The following TMEM170B variants were observed in gnomAD, a reference collection of about 807,000 sequenced individuals.
TMEM170B encodes the protein transmembrane protein 170B.
A neutral mutation model predicts 13.0 loss-of-function variants in TMEM170B; 6 were observed. That is an observed-to-expected ratio of 0.46 (90% CI 0.25 to 0.91). TMEM170B has a LOEUF of 0.91. Among genes scored for constraint, TMEM170B ranks in the 40% least tolerant of loss-of-function variants. The pLI, the probability that TMEM170B is intolerant of heterozygous loss-of-function variation, is 0.17. For synonymous variants in TMEM170B, 61 were observed against 64.9 expected (o/e 0.94, Z 0.29); for missense variants, 138 against 165.2 (o/e 0.84, Z 0.90).
chr6:11,570,282 G>A (rs942130131), intron 2 of TMEM170B, among the ~76,000 whole-genome samples: 2 of 151,990 alleles, frequency 1.3e-5, no homozygotes, highest in African/African-American at 4.8e-5. Flanking sequence ...GATATCTTTT[G>A]ATTACATTGT....
At chr6:11,570,119 T>G (rs542962422) in intron 2 of TMEM170B, among the ~76,000 whole-genome samples, 75 of 152,282 alleles carry the variant, frequency 4.9e-4, no homozygotes, top group African/African-American at 1.7e-3. Flanking sequence ...AGAATTGCCA[T>G]ATTATATCAC....
chr6:11,579,161 C>T lies in TMEM170B; in HGVS notation c.*3600C>T, dbSNP rs1759919388. 1 of 152,114 alleles carries T rather than the reference C, an allele frequency of 6.6e-6. No individual in the cohort carries two copies. The highest frequency in any genetic ancestry group is 1.5e-5 in the Non-Finnish European group (1 of 68,010). The allele number at this position is 152,114 out of a possible 1,614,324, so 9.4% of individuals were successfully genotyped here. On this transcript the variant is annotated 3_prime_UTR_variant, in exon 3 of 3. Transcript: ENST00000379426. ...GTTATCCCTCCAAATTCTCATTTTC[C>T]TGGTTCATCCACTAAATAGAATTTC...
At chr6:11,559,430 CCT>C (rs1759631840) in intron 1 of TMEM170B, among the ~76,000 whole-genome samples, 1 of 152,044 alleles carries the variant, frequency 6.6e-6, no homozygotes. Flanking sequence ...AAACAGTCCC[CCT>C]GAGTCAGTCT....
At position 11,565,657 on chromosome 6, in the gene TMEM170B, T is replaced by G. The variant is rs752173283; in HGVS notation, c.98-9T>G. On this transcript the variant is annotated splice_polypyrimidine_tract_variant and intron_variant, in intron 1 of 2. Transcript: ENST00000379426. ...CAACAGATGATTAATACTTTGCTTT[T>G]CCTTTCAGAGATGTGGTACTGGATC... 37 of 1,613,726 alleles carry G rather than the reference T, an allele frequency of 2.3e-5. No homozygotes were observed. The highest frequency in any genetic ancestry group is 3.3e-5 in the Admixed American group (2 of 59,946).
chr6:11,555,365 A>G (rs1226405718), intron 1 of TMEM170B, among the ~76,000 whole-genome samples: 1 of 151,996 alleles, frequency 6.6e-6, no homozygotes, highest in Non-Finnish European at 1.5e-5. Flanking sequence ...GTGTCTAGGT[A>G]TGTGTGTGCG....
intron 1 of TMEM170B, among the ~76,000 whole-genome samples, chr6:11,565,200 G>A (rs768687972): frequency 3.9e-5 from 6 of 152,152 alleles, no homozygotes; most frequent in Non-Finnish European, 5.9e-5. Context: ...AGGAGAAAAT[G>A]ACTGAAATTC....
Position 11,579,140 on chromosome 6 carries a change from T to C in TMEM170B, c.*3579T>C, listed in dbSNP as rs555759594. ...ATTTTAGTTGAGAGTTAGCCTGTTA[T>C]CCCTCCAAATTCTCATTTTCCTGGT... is the stretch of plus-strand genomic sequence containing the variant. On this transcript the variant is annotated 3_prime_UTR_variant, in exon 3 of 3. Transcript: ENST00000379426. 1 of 152,320 alleles carries C rather than the reference T, an allele frequency of 6.6e-6. No individual in the cohort carries two copies. Among genetic ancestry groups the C allele is most frequent in the East Asian group, 1.9e-4 (1 of 5,192 alleles). The allele number at this position is 152,320 out of a possible 1,614,324, so 9.4% of individuals were successfully genotyped here.
chr6:11,538,681 A>C (rs1242511669), intron 1 of TMEM170B, among the ~76,000 whole-genome samples: 1 of 151,946 alleles, frequency 6.6e-6, no homozygotes, highest in Non-Finnish European at 1.5e-5. Context: ...TAGTGCTGAG[A>C]CTTGAGCGCA....
intron 1 of TMEM170B, among the ~76,000 whole-genome samples, chr6:11,559,274 G>A (rs78564746): frequency 0.051 from 7,612 of 150,058 alleles, 264 homozygotes; most frequent in African/African-American, 0.096. Flanking sequence ...GGTGACTGCT[G>A]CAGCCTTGAC....
At chr6:11,567,093 T>C (rs1028159875) in intron 2 of TMEM170B, among the ~76,000 whole-genome samples, 1 of 152,194 alleles carries the variant, frequency 6.6e-6, no homozygotes, top group African/African-American at 2.4e-5. Context: ...CACCTGACAT[T>C]CCTGGTGGGT....
intron 2 of TMEM170B, among the ~76,000 whole-genome samples, chr6:11,566,637 G>A (rs1561687904): frequency 6.6e-6 from 1 of 152,212 alleles, no homozygotes; most frequent in Non-Finnish European, 1.5e-5. Context: ...CTTTAGAGCA[G>A]GAAAGAAAGG....
intron 1 of TMEM170B, among the ~76,000 whole-genome samples, chr6:11,540,145 T>C (rs777379987): frequency 1.2e-4 from 19 of 152,222 alleles, no homozygotes; most frequent in Non-Finnish European, 7.3e-5. Context: ...TGCTGACTGA[T>C]CAAGGTGATG....
At chr6:11,539,569 A>G (rs1485768336) in intron 1 of TMEM170B, among the ~76,000 whole-genome samples, 3 of 152,214 alleles carry the variant, frequency 2.0e-5, no homozygotes, top group African/African-American at 7.2e-5. Context: ...GAAACTATAC[A>G]GTTAAAGTAG....
intron 1 of TMEM170B, among the ~76,000 whole-genome samples, chr6:11,555,645 A>G (rs56040297): frequency 0.011 from 1,655 of 152,226 alleles, 40 homozygotes; most frequent in African/African-American, 0.037. Context: ...TTCCATCTCT[A>G]CTGAAATTCC....
chr6:11,565,880 CT>C lies in TMEM170B; in HGVS notation c.268+46del, dbSNP rs764125339. The C allele has an allele frequency of 3.1e-6, 5 of 1,587,742 alleles. No homozygotes were observed. The African/African-American group carries it at 6.7e-5, about 21-fold the overall frequency. Reference sequence around the variant, plus strand: ...GTCTGAGGATGTAAGTTTGTATACACTTACCATTTTGGTAGCTGTGTTCTTA... The same window carrying C: ...GTCTGAGGATGTAAGTTTGTATACACTACCATTTTGGTAGCTGTGTTCTTA... On this transcript the variant is annotated intron_variant, in intron 2 of 2. Transcript: ENST00000379426.
chr6:11,558,580 G>C (rs1408606679), intron 1 of TMEM170B, among the ~76,000 whole-genome samples: 6 of 152,074 alleles, frequency 3.9e-5, no homozygotes. Flanking sequence ...GCTCTCCCAG[G>C]TGACTCCAGC....
rs182684437 is a variant in TMEM170B at position 11,554,155 on chromosome 6, A to T, written c.98-11511A>T. ...ATTACAAGTTATGCTCGTTGGTGTA[A>T]AAAGTTTAATTTTCAGTATTTAGTA... On this transcript the variant is annotated intron_variant, in intron 1 of 2. Coordinates refer to ENST00000379426, the MANE Select transcript of TMEM170B (RefSeq NM_001100829.3). 1.1e-4 allele frequency among the ~76,000 whole-genome samples: 17 copies of T among 152,188 alleles called. No individual in the cohort carries two copies. The East Asian group carries it at 3.3e-3, about 29-fold the overall frequency.
intron 1 of TMEM170B, among the ~76,000 whole-genome samples, chr6:11,549,276 T>G (rs903580885): frequency 2.0e-5 from 3 of 152,090 alleles, no homozygotes; most frequent in African/African-American, 7.2e-5. Flanking sequence ...ATATGTGATA[T>G]CAGGTGTGAT....
intron 1 of TMEM170B, among the ~76,000 whole-genome samples, chr6:11,559,563 T>A (rs1257281165): frequency 1.3e-5 from 2 of 152,168 alleles, no homozygotes; most frequent in Non-Finnish European, 1.5e-5. Flanking sequence ...AAACTAGATG[T>A]GACTCATGGG....
Sources: gnomAD v4.1 joint callset for allele counts (sites outside exome capture counted in the v4.1 genomes callset) on GRCh38, gnomAD v4.1.1 for gene constraint, MANE v1.5 for transcripts, NCBI Gene and HGNC (gene_info 2026-07-23, HGNC 2026-07-21) for gene names.